RBM19: variants seen among roughly 807,000 people sequenced by gnomAD.
RBM19 encodes the protein RNA binding motif protein 19.
Under a neutral mutation model 116.8 loss-of-function variants are expected in RBM19, and 94 were observed. The ratio of observed to expected loss-of-function variants is 0.80; its 90% confidence interval spans 0.68 to 0.95. RBM19 has a LOEUF of 0.95. Ranked by LOEUF, RBM19 falls within the 40% of genes least tolerant of loss-of-function variation. The pLI is 0.00. For missense variants in RBM19, 1,161 were observed against 1,220.7 expected, an observed-to-expected ratio of 0.95 and a Z score of 0.73; for synonymous variants, 475 against 494.1, an observed-to-expected ratio of 0.96 and a Z score of 0.51.
intron 2 of RBM19, 63 bp downstream of exon 2, chr12:113,962,169 A>G: frequency 6.4e-7 from 1 of 1,572,302 alleles, no homozygotes. Context: ...TCAAGTGCTG[A>G]GTGAAAGATC....
intron 21 of RBM19, among the ~76,000 whole-genome samples, chr12:113,879,079 C>T (rs929922802): frequency 5.9e-5 from 9 of 152,120 alleles, no homozygotes; most frequent in African/African-American, 2.2e-4. Context: ...TTGGCTTCCC[C>T]GTCCCCGCCA....
At position 113,960,287 on chromosome 12, in the gene RBM19, C is replaced by T; in HGVS notation, c.220-109G>A. On this transcript the variant is annotated intron_variant, in intron 2 of 23. Coordinates refer to ENST00000261741, the MANE Select transcript of RBM19 (RefSeq NM_016196.4). ...ATTTCAGACAACTGTCACTGCCTAG[C>T]TGAGTTTGCTGAAGTAGATTACACG... 3 of 1,457,640 alleles carry T rather than the reference C, an allele frequency of 2.1e-6. No individual in the cohort carries two copies. The South Asian group carries it at 3.7e-5, about 18-fold the overall frequency. 90.3% of individuals were successfully genotyped at this position (1,457,640 alleles called of 1,614,324 possible). A position where few individuals can be genotyped will look rare whatever the true frequency, so the allele number is the denominator to read the frequency against.
At chr12:113,947,267 C>G in intron 11 of RBM19, 67 bp downstream of exon 11, 12 of 1,521,348 alleles carry the variant, frequency 7.9e-6, no homozygotes, top group Non-Finnish European at 1.1e-5. Flanking sequence ...TACACACACA[C>G]ACACACCAGC....
intron 21 of RBM19, among the ~76,000 whole-genome samples, chr12:113,896,577 T>C (rs1438491898): frequency 6.6e-6 from 1 of 152,238 alleles, no homozygotes; most frequent in Non-Finnish European, 1.5e-5. Context: ...CCCATTGAGA[T>C]GGCTGCAGGC....
intron 21 of RBM19, among the ~76,000 whole-genome samples, chr12:113,914,146 T>C (rs1056149176): frequency 6.6e-6 from 1 of 152,236 alleles, no homozygotes; most frequent in African/African-American, 2.4e-5. Flanking sequence ...AAAAAGTGAA[T>C]TAGTTGCTGA....
intron 17 of RBM19, 46 bp downstream of exon 17, chr12:113,927,008 G>A (rs746821183): frequency 6.3e-7 from 1 of 1,579,082 alleles, no homozygotes; most frequent in Non-Finnish European, 8.6e-7. Context: ...GTAGACTGGG[G>A]TTTCCCATCC....
At chr12:113,927,879 GTAGAGTAC>G (rs1869247067) in intron 16 of RBM19, among the ~76,000 whole-genome samples, 2 of 152,160 alleles carry the variant, frequency 1.3e-5, no homozygotes, top group Admixed American at 1.3e-4. Flanking sequence ...ACTAGGTAAG[GTAGAGTAC>G]CACCAAAAGC....
chr12:113,826,338 A>C (rs1874854463), intron 23 of RBM19, among the ~76,000 whole-genome samples: 1 of 152,082 alleles, frequency 6.6e-6, no homozygotes, highest in Non-Finnish European at 1.5e-5. Context: ...TGTTTTGTCC[A>C]CTGTTCCATT....
At chr12:113,833,187 G>A (rs941465481) in intron 23 of RBM19, among the ~76,000 whole-genome samples, 28 of 152,248 alleles carry the variant, frequency 1.8e-4, no homozygotes, top group African/African-American at 6.3e-4. Context: ...TCACCATGCA[G>A]CACCACCATC....
rs116210641 is a variant in RBM19, at chr12:113,895,540, G to A, written c.2558+19429C>T. Among the ~76,000 whole-genome samples, 448 of 152,298 alleles carry A rather than the reference G, an allele frequency of 2.9e-3. 5 individuals are homozygous for A. Among genetic ancestry groups the A allele is most frequent in the African/African-American group, 0.01 (429 of 41,550 alleles). ...AGAGGGGAAGACGCCTAACAATACA[G>A]AAAACACGACATCATTTTCTCTAAA... On this transcript the variant is annotated intron_variant, in intron 21 of 23. Coordinates refer to ENST00000261741, the MANE Select transcript of RBM19 (RefSeq NM_016196.4).
chr12:113,836,994 T>TACACACAC (rs55991489), intron 23 of RBM19, among the ~76,000 whole-genome samples: 2 of 56,260 alleles, frequency 3.6e-5, no homozygotes, highest in African/African-American at 8.1e-5. Flanking sequence ...ACTTACTACA[T>TACACACAC]ACACACACAC....
chr12:113,835,531 G>C (rs1159888958), intron 23 of RBM19, among the ~76,000 whole-genome samples: 4 of 152,214 alleles, frequency 2.6e-5, no homozygotes, highest in African/African-American at 9.6e-5. Flanking sequence ...CTGGGAGGCA[G>C]TGGGGGCCGG....
At chr12:113,844,557 C>T (rs1876778225) in intron 23 of RBM19, 111 bp downstream of exon 23, 3 of 1,397,576 alleles carry the variant, frequency 2.1e-6, no homozygotes, top group Non-Finnish European at 2.8e-6. Flanking sequence ...GCTTGGCAGC[C>T]CTTGTGCCCA....
chr12:113,830,583 GGGGGGGT>G (rs1875317056), intron 23 of RBM19, among the ~76,000 whole-genome samples: 1 of 100,998 alleles, frequency 9.9e-6, no homozygotes, highest in East Asian at 3.4e-4. Flanking sequence ...GGCGGGGGGG[GGGGGGGT>G]GGGCTATGCC....
rs11338829 is a variant in RBM19, at chr12:113,908,573, C to CAAAAAAAA, written c.2558+6388_2558+6395dup. Among the ~76,000 whole-genome samples, 30 of 33,218 alleles carry CAAAAAAAA rather than the reference C, an allele frequency of 9.0e-4. 2 individuals are homozygous for CAAAAAAAA. Among genetic ancestry groups the CAAAAAAAA allele is most frequent in the East Asian group, 6.4e-3 (4 of 628 alleles). The allele number at this position is 33,218 out of a possible 152,430, so 21.8% of individuals were successfully genotyped here. ...GTTCACACCTCAAGGAAGAAAATAG[C>CAAAAAAAA]AAAAAAAAAAAAAAAAAAAAAAAAA... On this transcript the variant is annotated intron_variant, in intron 21 of 23. Transcript: ENST00000261741.
Position 113,823,310 on chromosome 12 carries a change from T to C in RBM19, c.2797A>G (p.Lys933Glu), listed in dbSNP as rs78428207. Residue 933 changes from lysine to glutamate, a missense_variant, in exon 24 of 24, where the codon AAA (lysine) becomes GAA (glutamate). Transcript: ENST00000261741. ...TCGTCCAACACCACAGACCGCTTTT[T>C]CTTCGGGGGCTCTGTGGGAGCCCAG... ...TAAHFHEPPK[K>E]KRSVVLDEIL... is the part of the protein sequence containing the mutation. 3 of 1,613,018 alleles carry C rather than the reference T, an allele frequency of 1.9e-6. No homozygotes were observed. The highest frequency in any genetic ancestry group is 2.5e-6 in the Non-Finnish European group (3 of 1,180,008).
At chr12:113,916,445 C>T (rs142253249) in intron 20 of RBM19, among the ~76,000 whole-genome samples, 13 of 152,264 alleles carry the variant, frequency 8.5e-5, no homozygotes, top group African/African-American at 2.9e-4. Context: ...TTCACTTCCT[C>T]GGTTGCTGGG....
At chr12:113,950,204 T>G in intron 8 of RBM19, 50 bp from the exon 9 acceptor site, 6 of 1,457,140 alleles carry the variant, frequency 4.1e-6, no homozygotes, top group Non-Finnish European at 5.8e-6. Flanking sequence ...TGCAGACACT[T>G]GTGGTGGTCC....
intron 22 of RBM19, among the ~76,000 whole-genome samples, chr12:113,847,812 A>C (rs1033962978): frequency 5.9e-5 from 9 of 152,176 alleles, no homozygotes; most frequent in African/African-American, 2.2e-4. Context: ...CAGAAAGCCC[A>C]GGAGATCTCT....
Sources: allele counts gnomAD v4.1 joint callset (sites outside exome capture counted in the v4.1 genomes callset), GRCh38; gene constraint gnomAD v4.1.1; transcripts MANE v1.5; gene names NCBI Gene and HGNC (gene_info 2026-07-23, HGNC 2026-07-21).